NEMP1: variants seen among roughly 807,000 people sequenced by gnomAD.
The protein encoded by NEMP1 is nuclear envelope integral membrane protein 1.
In NEMP1, 29 loss-of-function variants were observed where a neutral mutation model predicts 53.7. That is an observed-to-expected ratio of 0.54 (90% CI 0.40 to 0.74). NEMP1 has a LOEUF of 0.74. Among genes scored for constraint, NEMP1 ranks in the 30% least tolerant of loss-of-function variants. The probability of loss-of-function intolerance (pLI) is 0.00; values close to 1 mark genes in which losing one functional copy is unlikely to be tolerated. For synonymous variants in NEMP1, 193 were observed against 192.9 expected, an observed-to-expected ratio of 1.00 and a Z score of 0.00; for missense variants, 477 against 528.6, an observed-to-expected ratio of 0.90 and a Z score of 0.96.
intron 7 of NEMP1, among the ~76,000 whole-genome samples, chr12:57,062,377 G>A (rs1296298084): frequency 6.6e-6 from 1 of 152,152 alleles, no homozygotes; most frequent in Non-Finnish European, 1.5e-5. Context: ...CTATTCGGGA[G>A]GCTGAGGCAG....
chr12:57,066,036 C>T (rs909405131), intron 4 of NEMP1, among the ~76,000 whole-genome samples: 17 of 152,012 alleles, frequency 1.1e-4, no homozygotes, highest in Admixed American at 9.2e-4. Flanking sequence ...GGGAGGATCA[C>T]GAGGTCCGGA....
rs1299471223 is a variant in NEMP1 at position 57,059,573 on chromosome 12, G to C, written c.*306C>G. 4.3e-6 allele frequency: 1 copy of C among 230,866 alleles called. No homozygotes were observed. Among genetic ancestry groups the C allele is most frequent in the Non-Finnish European group, 8.5e-6 (1 of 118,008 alleles). The allele number at this position is 230,866 out of a possible 1,614,324, so 14.3% of individuals were successfully genotyped here. A position where few individuals can be genotyped will look rare whatever the true frequency, so the allele number is the denominator to read the frequency against. On this transcript the variant is annotated 3_prime_UTR_variant, in exon 9 of 9. Coordinates refer to ENST00000300128, the MANE Select transcript of NEMP1 (RefSeq NM_001130963.2). ...ATGCCATGATTGAATCAACTTTCAA[G>C]AAGGAGCTAGAATGCCATGCTAGCT...
At chr12:57,064,284 A>T in intron 5 of NEMP1, 99 bp from the exon 6 acceptor site, 1 of 709,286 alleles carries the variant, frequency 1.4e-6, no homozygotes, top group Non-Finnish European at 2.3e-6. Context: ...AAAAAATTCA[A>T]CCTACTCAAA....
rs772274546 is a variant in NEMP1, at chr12:57,064,192, CAG to C, written c.640-9_640-8del. 5 of 1,575,204 alleles carry C rather than the reference CAG, an allele frequency of 3.2e-6. No homozygotes were observed. In the Admixed American group the frequency reaches 7.2e-5, roughly 23 times the overall value. The stretch of plus-strand genomic sequence containing the variant: ...TGACGTAAATGGGACTTTTCTAAGA[CAG>C]AGAGTAGAAGTGAAAGCAAAAAGTT... On this transcript the variant is annotated splice_region_variant and splice_polypyrimidine_tract_variant and intron_variant, in intron 5 of 8. Coordinates refer to ENST00000300128, the MANE Select transcript of NEMP1 (RefSeq NM_001130963.2).
chr12:57,086,181 G>A (rs531168214), intron 1 of NEMP1, among the ~76,000 whole-genome samples: 1 of 151,548 alleles, frequency 6.6e-6, no homozygotes, highest in East Asian at 1.9e-4. Flanking sequence ...TCTGCTAGAT[G>A]AAAATCTACA....
At chr12:57,078,843 T>A (rs1282385616), upstream of NEMP1, 5 of 1,390,294 alleles carry the variant, frequency 3.6e-6, no homozygotes, top group African/African-American at 1.4e-5. Flanking sequence ...CCCGCCCCTA[T>A]CAACCAATGG....
At chr12:57,076,523 T>G (rs1024638249) in intron 1 of NEMP1, among the ~76,000 whole-genome samples, 3 of 151,526 alleles carry the variant, frequency 2.0e-5, no homozygotes, top group African/African-American at 7.3e-5. Context: ...ATTAGCTGAG[T>G]GTGGCTGGGC....
chr12:57,063,129 T>C lies in NEMP1; in HGVS notation c.970A>G (p.Ile324Val). 1 of 1,612,692 alleles carries C rather than the reference T, an allele frequency of 6.2e-7. No individual in the cohort carries two copies. Among genetic ancestry groups the C allele is most frequent in the South Asian group, 1.1e-5 (1 of 91,054 alleles). The change falls in exon 7 of 9, where the codon ATC becomes GTC. Residue 324 changes from isoleucine (I) to valine (V), a missense_variant. Physicochemically the swap from Ile to Val is conservative, Grantham distance 29. Transcript: ENST00000300128. Reference protein sequence around the residue: ...NLEHPIQWLYITCRKVCKGAE... With the variant: ...NLEHPIQWLYVTCRKVCKGAE... ...TTGCCTTTCAGTCACCTGCAGGTGATGTACAGCCACTGAATAGGGTGTTCC... is the reference window on the plus strand; with the variant it reads ...TTGCCTTTCAGTCACCTGCAGGTGACGTACAGCCACTGAATAGGGTGTTCC...
Position 57,078,787 on chromosome 12 carries a change from C to A in NEMP1, c.-42G>T. The A allele has an allele frequency of 6.3e-7, 1 of 1,579,176 alleles. No individual in the cohort carries two copies. Among genetic ancestry groups the A allele is most frequent in the Non-Finnish European group, 8.6e-7 (1 of 1,158,844 alleles). ...CTCCTCCTCACGTGCCTTACCCCAG[C>A]AACTAACTCCGAACGGGCAACGACA... is the stretch of plus-strand genomic sequence containing the variant. On this transcript the variant is annotated 5_prime_UTR_variant, in exon 1 of 9. Transcript: ENST00000300128.
At chr12:57,068,476 G>A (rs908727288) in intron 4 of NEMP1, among the ~76,000 whole-genome samples, 6 of 151,686 alleles carry the variant, frequency 4.0e-5, no homozygotes, top group Admixed American at 2.0e-4. Context: ...TTAGCCTCTC[G>A]AGTAACTGGG....
At chr12:57,069,338 G>T in intron 3 of NEMP1, 32 bp from the exon 4 acceptor site, 2 of 1,387,808 alleles carry the variant, frequency 1.4e-6, no homozygotes, top group South Asian at 2.6e-5. Flanking sequence ...GCTTAATAAG[G>T]GAACAAAACT....
chr12:57,084,999 T>A (rs929158025), intron 1 of NEMP1, among the ~76,000 whole-genome samples: 1 of 152,184 alleles, frequency 6.6e-6, no homozygotes. Flanking sequence ...ATATTTTTAA[T>A]GTAATGTACC....
chr12:57,074,877 C>T lies in NEMP1; in HGVS notation c.128-1965G>A, dbSNP rs1592515233. 2.0e-5 allele frequency among the ~76,000 whole-genome samples: 3 copies of T among 151,550 alleles called. No individual in the cohort carries two copies. In the South Asian group the frequency reaches 6.2e-4, roughly 32 times the overall value. ...CCAAGGCAGACGGATCACTTGAGGT[C>T]AGGAGTTCAAAACCAGCCTGGCCAA... On this transcript the variant is annotated intron_variant, in intron 1 of 8. Coordinates refer to ENST00000300128, the MANE Select transcript of NEMP1 (RefSeq NM_001130963.2).
chr12:57,066,622 C>T (rs997997361), intron 4 of NEMP1, among the ~76,000 whole-genome samples: 4 of 152,274 alleles, frequency 2.6e-5, no homozygotes, highest in East Asian at 1.9e-4. Flanking sequence ...AGAAGGGAGA[C>T]GGGAATAACC....
At chr12:57,061,516 G>A (rs1362579640) in intron 7 of NEMP1, among the ~76,000 whole-genome samples, 1 of 151,178 alleles carries the variant, frequency 6.6e-6, no homozygotes, top group Non-Finnish European at 1.5e-5. Context: ...CAACACAGAG[G>A]AACCCCATCT....
intron 4 of NEMP1, 77 bp from the exon 5 acceptor site, chr12:57,064,816 C>A: frequency 9.3e-7 from 1 of 1,074,418 alleles, no homozygotes; most frequent in East Asian, 2.5e-5. Context: ...GACAACTAAC[C>A]CAGCCGAAAG....
Position 57,078,704 on chromosome 12 carries a change from A to T in NEMP1, c.42T>A (p.Gly14=). Residue 14 remains glycine, a synonymous_variant, in exon 1 of 9, where the codon GGT becomes GGA. Transcript: ENST00000300128. Reference sequence around the variant, plus strand: ...CGACTCCCGAGCCCCAGGGCCCGGGACCAACTGCCGGCGAGACCGCCACTT... The same window carrying T: ...CGACTCCCGAGCCCCAGGGCCCGGGTCCAACTGCCGGCGAGACCGCCACTT... The part of the protein sequence containing the change: ...GMKVAVSPAV[G]PGPWGSGVGG... The T allele has an allele frequency of 6.2e-7, 1 of 1,613,184 alleles. No individual in the cohort carries two copies. The highest frequency in any genetic ancestry group is 8.5e-7 in the Non-Finnish European group (1 of 1,179,610).
At chr12:57,077,992 G>A (rs1282323783) in intron 1 of NEMP1, among the ~76,000 whole-genome samples, 1 of 152,126 alleles carries the variant, frequency 6.6e-6, no homozygotes, top group Non-Finnish European at 1.5e-5. Context: ...TGAAGCAGGA[G>A]AATTGCTTGA....
Position 57,056,000 on chromosome 12 carries a change from C to T in NEMP1, c.*3879G>A, listed in dbSNP as rs1038413510. On this transcript the variant is annotated 3_prime_UTR_variant, in exon 9 of 9. Transcript: ENST00000300128. ...ATGTTGTCATAAGAATGTGCTCATGCTATAGGCAAATTCAGAGGTGATTTC... is the reference window on the plus strand; with the variant it reads ...ATGTTGTCATAAGAATGTGCTCATGTTATAGGCAAATTCAGAGGTGATTTC... 6.6e-6 allele frequency: 1 copy of T among 152,150 alleles called. No individual in the cohort carries two copies. The allele number at this position is 152,150 out of a possible 1,614,324, so 9.4% of individuals were successfully genotyped here.
Sources: allele counts gnomAD v4.1 joint callset (sites outside exome capture counted in the v4.1 genomes callset), GRCh38; gene constraint gnomAD v4.1.1; transcripts MANE v1.5; gene names NCBI Gene and HGNC (gene_info 2026-07-23, HGNC 2026-07-21).